DAB1: variants seen among roughly 807,000 people sequenced by gnomAD.
DAB1 encodes DAB adaptor protein 1, also known as disabled homolog 1.
DAB1 carries 15 observed loss-of-function variants against 64.6 expected under a neutral mutation model. The observed-to-expected ratio is 0.23, with a 90% CI of 0.16 to 0.36. The LOEUF is 0.36. Among genes scored for constraint, DAB1 ranks in the 10% least tolerant of loss-of-function variants. The pLI, the probability that DAB1 is intolerant of heterozygous loss-of-function variation, is 1.00. For missense variants in DAB1, 596 were observed against 706.7 expected (o/e 0.84, Z 1.78); for synonymous variants, 235 against 251.9 (o/e 0.93, Z 0.64).
chr1:57,427,848 G>A (rs1202938202), upstream of DAB1, among the ~76,000 whole-genome samples: 1 of 152,066 alleles, frequency 6.6e-6, no homozygotes, highest in Non-Finnish European at 1.5e-5. Flanking sequence ...TACTAATTTT[G>A]TGCATGTGAT....
chr1:57,469,691 A>C (rs962972036), intron 7 of DAB1, among the ~76,000 whole-genome samples: 2 of 152,286 alleles, frequency 1.3e-5, no homozygotes, highest in South Asian at 4.1e-4. Flanking sequence ...ACCTAGATTG[A>C]ATTATAATTC....
chr1:57,151,358 CAT>C (rs1659651923), intron 2 of DAB1, among the ~76,000 whole-genome samples: 1 of 152,246 alleles, frequency 6.6e-6, no homozygotes, highest in East Asian at 1.9e-4. Context: ...GGAAACAAAA[CAT>C]ATAAATATCC....
chr1:57,875,063 C>T (rs1644020360), intron 1 of DAB1: 2 of 152,172 alleles, frequency 1.3e-5, no homozygotes, highest in Admixed American at 6.5e-5. Flanking sequence ...AGGGCAAGCT[C>T]AACTACCTAC....
intron 2 of DAB1, among the ~76,000 whole-genome samples, chr1:57,262,338 A>T (rs146018720): frequency 2.0e-5 from 3 of 152,226 alleles, no homozygotes; most frequent in Admixed American, 2.0e-4. Flanking sequence ...TAGGCAAAAC[A>T]GTCAAAGAAG....
chr1:57,789,861 C>A (rs1343799788), intron 6 of DAB1, among the ~76,000 whole-genome samples: 1 of 152,174 alleles, frequency 6.6e-6, no homozygotes, highest in African/African-American at 2.4e-5. Flanking sequence ...AAGAAGATTT[C>A]TTGTCAGGAA....
chr1:57,054,309 G>C (rs1649517294), intron 9 of DAB1, among the ~76,000 whole-genome samples: 1 of 152,062 alleles, frequency 6.6e-6, no homozygotes, highest in South Asian at 2.1e-4. Flanking sequence ...GATAGAGTCT[G>C]AAATAGGCAC....
chr1:58,132,788 G>T (rs980838580), intron 5 of DAB1, among the ~76,000 whole-genome samples: 3 of 152,164 alleles, frequency 2.0e-5, no homozygotes, highest in Non-Finnish European at 4.4e-5. Context: ...TGGGTAAACT[G>T]TCCTGGCTGG....
At chr1:57,506,088 T>G (rs779246846) in intron 7 of DAB1, among the ~76,000 whole-genome samples, 7 of 152,246 alleles carry the variant, frequency 4.6e-5, no homozygotes, top group Non-Finnish European at 8.8e-5. Context: ...ATTTTTGGCT[T>G]GGTAACTTAT....
At chr1:57,349,800 T>C (rs1373307796) in intron 1 of DAB1, among the ~76,000 whole-genome samples, 4 of 152,170 alleles carry the variant, frequency 2.6e-5, no homozygotes, top group Non-Finnish European at 4.4e-5. Context: ...ATTATACTCA[T>C]TGGCAGTTTG....
chr1:58,117,717 A>G (rs967438201), intron 5 of DAB1, among the ~76,000 whole-genome samples: 37 of 152,204 alleles, frequency 2.4e-4, no homozygotes, highest in South Asian at 4.1e-4. Flanking sequence ...GATTTTTAAA[A>G]ATTAAGATTA....
At chr1:57,882,806 C>A (rs993356214) in intron 1 of DAB1, among the ~76,000 whole-genome samples, 37 of 152,170 alleles carry the variant, frequency 2.4e-4, no homozygotes, top group African/African-American at 8.7e-4. Flanking sequence ...GACATGGTTT[C>A]CAGCCTCCTT....
At chr1:57,815,053 TTC>T (rs1014724863) in intron 6 of DAB1, among the ~76,000 whole-genome samples, 60 of 152,200 alleles carry the variant, frequency 3.9e-4, no homozygotes, top group African/African-American at 1.3e-3. Context: ...TCTTTTTTTC[TTC>T]TTTTTGTTTT....
chr1:57,818,790 A>T lies in DAB1; in HGVS notation n.551+65209T>A, dbSNP rs1651985541. ...TATATATAATATTTATTTGTATATA[A>T]TGTGTGTGTATATATATACATATGG... On this transcript the variant is annotated intron_variant and non_coding_transcript_variant, in intron 6 of 20. Transcript: ENST00000485760. Among the ~76,000 whole-genome samples, 3 of 150,500 alleles carry T rather than the reference A, an allele frequency of 2.0e-5. No individual in the cohort carries two copies. In the Admixed American group the frequency reaches 2.0e-4, roughly 10 times the overall value.
chr1:57,986,176 T>G (rs1193905413), intron 5 of DAB1, among the ~76,000 whole-genome samples: 1 of 152,124 alleles, frequency 6.6e-6, no homozygotes, highest in Non-Finnish European at 1.5e-5. Context: ...AGGAATCACC[T>G]AGCCTTGACT....
chr1:58,030,939 A>T (rs1395201861), intron 5 of DAB1, among the ~76,000 whole-genome samples: 1 of 152,232 alleles, frequency 6.6e-6, no homozygotes, highest in Non-Finnish European at 1.5e-5. Flanking sequence ...ACTTTATACA[A>T]TAAGAAAGGT....
At chr1:58,186,180 C>T (rs193146582) in intron 4 of DAB1, among the ~76,000 whole-genome samples, 52 of 152,208 alleles carry the variant, frequency 3.4e-4, no homozygotes, top group Admixed American at 1.6e-3. Flanking sequence ...CAGTGGGGGT[C>T]GAGTTCATGG....
intron 4 of DAB1, among the ~76,000 whole-genome samples, chr1:58,202,001 C>A (rs1017204001): frequency 6.6e-6 from 1 of 152,182 alleles, no homozygotes; most frequent in African/African-American, 2.4e-5. Flanking sequence ...TCAGCCCCTC[C>A]ATGCCCCAAT....
chr1:58,402,490 A>G (rs894253102), intron 3 of DAB1, among the ~76,000 whole-genome samples: 3 of 152,224 alleles, frequency 2.0e-5, no homozygotes, highest in African/African-American at 7.2e-5. Context: ...AAACACACAG[A>G]GAGAAAAAGA....
At chr1:57,150,254 A>G (rs536303660) in intron 2 of DAB1, among the ~76,000 whole-genome samples, 1 of 152,338 alleles carries the variant, frequency 6.6e-6, no homozygotes, top group East Asian at 1.9e-4. Context: ...AAACAGTAAG[A>G]GCTTAATCAA....
Sources: allele counts gnomAD v4.1 joint callset (sites outside exome capture counted in the v4.1 genomes callset), GRCh38; gene constraint gnomAD v4.1.1; transcripts MANE v1.5; gene names NCBI Gene and HGNC (gene_info 2026-07-23, HGNC 2026-07-21).